Variants in ASXL2 observed in about 807,000 individuals in gnomAD.
ASXL2 encodes putative Polycomb group protein ASXL2.
ASXL2 carries 23 observed loss-of-function variants against 122.0 expected under a neutral mutation model. That is an observed-to-expected ratio of 0.19 (90% CI 0.14 to 0.27). ASXL2 has a LOEUF of 0.27. Ranked by LOEUF, ASXL2 falls within the 10% of genes least tolerant of loss-of-function variation. The pLI, the probability that ASXL2 is intolerant of heterozygous loss-of-function variation, is 1.00. For synonymous variants in ASXL2, 650 were observed against 637.0 expected (o/e 1.02, Z -0.31); for missense variants, 1,518 against 1,713.8 (o/e 0.89, Z 2.02).
At chr2:25,847,269 T>A (rs1280690467) in intron 1 of ASXL2, among the ~76,000 whole-genome samples, 1 of 152,246 alleles carries the variant, frequency 6.6e-6, no homozygotes, top group Non-Finnish European at 1.5e-5. Context: ...ATCTCTCTGC[T>A]ACATCTAACA....
intron 5 of ASXL2, among the ~76,000 whole-genome samples, chr2:25,781,650 G>T (rs1267446322): frequency 6.8e-6 from 1 of 147,246 alleles, no homozygotes; most frequent in African/African-American, 2.5e-5. Context: ...AAGTAGCTGG[G>T]ACTACAGGTA....
chr2:25,811,099 C>CAA (rs1553701386), intron 3 of ASXL2, among the ~76,000 whole-genome samples: 2 of 144,416 alleles, frequency 1.4e-5, no homozygotes, highest in Admixed American at 7.2e-5. Context: ...CACACACACA[C>CAA]AAAATCAGCC....
intron 3 of ASXL2, among the ~76,000 whole-genome samples, chr2:25,810,873 T>C (rs924329040): frequency 2.3e-4 from 35 of 152,096 alleles, no homozygotes; most frequent in Admixed American, 4.6e-4. Flanking sequence ...ACACAGTATA[T>C]ACAAAAACAT....
At chr2:25,870,975 G>A (rs944610391) in intron 1 of ASXL2, among the ~76,000 whole-genome samples, 2 of 151,624 alleles carry the variant, frequency 1.3e-5, no homozygotes, top group Non-Finnish European at 2.9e-5. Flanking sequence ...CTTGTTTCTT[G>A]TTTTTTTAAA....
chr2:25,747,212 A>G (rs1433861614), intron 12 of ASXL2, among the ~76,000 whole-genome samples: 3 of 152,238 alleles, frequency 2.0e-5, no homozygotes, highest in Admixed American at 2.0e-4. Context: ...GGCTGACTGT[A>G]TAGGGAATGT....
intron 9 of ASXL2, among the ~76,000 whole-genome samples, chr2:25,756,526 C>T (rs1574399161): frequency 6.9e-6 from 1 of 145,330 alleles, no homozygotes. Flanking sequence ...AATTTTAAGT[C>T]AAAAACAGTT....
chr2:25,744,282 T>C lies in ASXL2; in HGVS notation c.2055A>G (p.Ser685=), dbSNP rs2087901761. 2 of 1,612,794 alleles carry C rather than the reference T, an allele frequency of 1.2e-6. No individual in the cohort carries two copies. The highest frequency in any genetic ancestry group is 1.7e-6 in the Non-Finnish European group (2 of 1,179,560). ...CAGGTCCTGGAATGGTCCCTCCAAC[T>C]GAGGCGGCTGCAGCAGCTGCGGCGG... is the stretch of plus-strand genomic sequence containing the variant. ...AAAAAAAAAA[S]VGGTIPGPGP... The change falls in exon 13 of 13, where the codon TCA becomes TCG. Residue 685 remains serine (S), a synonymous_variant. Transcript: ENST00000435504. This position sits in a 1 kb window ranked among gnomAD's most constrained non-coding sequence, Gnocchi z 4.7.
chr2:25,803,821 T>C (rs931612526), intron 4 of ASXL2, among the ~76,000 whole-genome samples: 4 of 152,192 alleles, frequency 2.6e-5, no homozygotes, highest in African/African-American at 9.7e-5. Context: ...CCTCCAGCTG[T>C]GCAGCCGGGT....
Position 25,749,751 on chromosome 2 carries a change from T to C in ASXL2, c.1805A>G (p.Gln602Arg), listed in dbSNP as rs374477535. Residue 602 changes from glutamine to arginine, a missense_variant, in exon 12 of 13, where the codon CAG becomes CGG. Around this residue, in one of 8 missense-constraint regions of ASXL2, gnomAD observed 292 missense variants for 293.5 expected, o/e 1.00. Coordinates refer to ENST00000435504, the MANE Select transcript of ASXL2 (RefSeq NM_018263.6). ...TCTGTCCCCTCTATTGAGAAAGGGC[T>C]GTGGTGAGACCTGAAATGGCTGCTG... The part of the protein sequence containing the change: ...QHQQPFQVSP[Q>R]PFLNRGDRIQ... The C allele has an allele frequency of 9.5e-6, 15 of 1,577,996 alleles. No homozygotes were observed. Among genetic ancestry groups the C allele is most frequent in the East Asian group, 8.9e-5 (4 of 44,706 alleles).
chr2:25,815,763 T>G (rs978804079), intron 3 of ASXL2, among the ~76,000 whole-genome samples: 20 of 152,210 alleles, frequency 1.3e-4, no homozygotes, highest in South Asian at 2.1e-4. Flanking sequence ...GATAAAGTTT[T>G]GCCTGTTTTT....
intron 1 of ASXL2, among the ~76,000 whole-genome samples, chr2:25,862,961 T>C (rs1312294743): frequency 3.9e-5 from 6 of 152,136 alleles, no homozygotes; most frequent in Non-Finnish European, 7.4e-5. Context: ...GCTCTTATTT[T>C]GGTAGGAAAG....
At chr2:25,756,378 C>A (rs2088132894) in intron 9 of ASXL2, among the ~76,000 whole-genome samples, 1 of 149,182 alleles carries the variant, frequency 6.7e-6, no homozygotes, top group Admixed American at 6.7e-5. Flanking sequence ...ACTCACAGAA[C>A]CACACATATA....
intron 3 of ASXL2, among the ~76,000 whole-genome samples, chr2:25,814,333 C>T (rs1165376886): frequency 2.0e-5 from 3 of 152,248 alleles, no homozygotes; most frequent in South Asian, 4.1e-4. Context: ...GAAGGTAGAG[C>T]TCCAGAATTC....
chr2:25,831,502 A>C (rs1449284284), intron 3 of ASXL2, among the ~76,000 whole-genome samples: 15 of 151,906 alleles, frequency 9.9e-5, no homozygotes, highest in Admixed American at 9.8e-4. Flanking sequence ...AAAAATGCAA[A>C]AATTAGATAG....
intron 3 of ASXL2, among the ~76,000 whole-genome samples, chr2:25,812,897 T>C (rs2089189894): frequency 6.6e-6 from 1 of 152,332 alleles, no homozygotes; most frequent in Admixed American, 6.5e-5. Context: ...CAACAATCTA[T>C]GAGGTGAGCA....
At chr2:25,760,275 C>T (rs1191733907) in intron 8 of ASXL2, among the ~76,000 whole-genome samples, 2 of 151,526 alleles carry the variant, frequency 1.3e-5, no homozygotes, top group Non-Finnish European at 2.9e-5. Context: ...ATGAAAACAG[C>T]AATTACACAT....
chr2:25,807,986 TACACACACACACAC>T (rs147273836), intron 3 of ASXL2, among the ~76,000 whole-genome samples: 8 of 131,820 alleles, frequency 6.1e-5, no homozygotes, highest in South Asian at 5.4e-4. Context: ...AATCAGCTTT[TACACACACACACAC>T]ACACACACAC....
intron 3 of ASXL2, among the ~76,000 whole-genome samples, chr2:25,815,117 A>T (rs1025139242): frequency 2.6e-5 from 4 of 152,168 alleles, no homozygotes; most frequent in African/African-American, 9.7e-5. Flanking sequence ...TCACCCTCAC[A>T]TACAACTATT....
At chr2:25,802,361 C>T (rs971941760) in intron 4 of ASXL2, among the ~76,000 whole-genome samples, 2 of 152,168 alleles carry the variant, frequency 1.3e-5, no homozygotes, top group African/African-American at 4.8e-5. Context: ...CTATAGTGTC[C>T]AGCACAGAGG....
Sources: gnomAD v4.1 joint callset for allele counts (sites outside exome capture counted in the v4.1 genomes callset) on GRCh38, gnomAD v4.1.1 for gene constraint, gnomAD v4.1.1 regional missense constraint, Gnocchi (gnomAD v3.1) non-coding constraint, MANE v1.5 for transcripts, NCBI Gene and HGNC (gene_info 2026-07-23, HGNC 2026-07-21) for gene names.